The following CREB3L2 variants were observed in gnomAD, a reference collection of about 807,000 sequenced individuals.
The protein encoded by CREB3L2 is cyclic AMP-responsive element-binding protein 3-like protein 2.
In CREB3L2, 23 loss-of-function variants were observed where a neutral mutation model predicts 57.2. That is an observed-to-expected ratio of 0.40 (90% CI 0.29 to 0.57). The LOEUF (loss-of-function observed/expected upper bound fraction) is 0.57. Ranked by LOEUF, CREB3L2 falls within the 20% of genes least tolerant of loss-of-function variation. The probability of loss-of-function intolerance (pLI) is 0.42; values close to 1 mark genes in which losing one functional copy is unlikely to be tolerated. For missense variants in CREB3L2, 628 were observed against 634.7 expected, an observed-to-expected ratio of 0.99 and a Z score of 0.11; for synonymous variants, 268 against 265.1, an observed-to-expected ratio of 1.01 and a Z score of -0.11.
chr7:137,961,217 T>G (rs1240171754), intron 1 of CREB3L2, among the ~76,000 whole-genome samples: 1 of 149,000 alleles, frequency 6.7e-6, no homozygotes, highest in Non-Finnish European at 1.5e-5. Context: ...GTGGGGGACA[T>G]GAGAACATTA....
intron 1 of CREB3L2, among the ~76,000 whole-genome samples, chr7:137,972,684 C>CAAAAAAAAA (rs58627909): frequency 9.3e-4 from 9 of 9,644 alleles, no homozygotes; most frequent in Non-Finnish European, 1.1e-3. Flanking sequence ...CCCGTCTCTA[C>CAAAAAAAAA]AAAAAAAAAA....
At chr7:137,971,542 G>C (rs1231222556) in intron 1 of CREB3L2, among the ~76,000 whole-genome samples, 1 of 152,014 alleles carries the variant, frequency 6.6e-6, no homozygotes, top group Non-Finnish European at 1.5e-5. Flanking sequence ...TCTTTTTGCG[G>C]CTAGGCTGTG....
intron 1 of CREB3L2, among the ~76,000 whole-genome samples, chr7:137,966,079 C>G (rs1372730474): frequency 6.6e-6 from 1 of 152,120 alleles, no homozygotes; most frequent in Non-Finnish European, 1.5e-5. Flanking sequence ...CTGATGTTCA[C>G]TGATGGCATC....
intron 2 of CREB3L2, among the ~76,000 whole-genome samples, chr7:137,925,903 A>G (rs964233560): frequency 5.3e-5 from 8 of 152,218 alleles, no homozygotes; most frequent in African/African-American, 1.9e-4. Context: ...CCTTTGTAAA[A>G]TATATCTGAC....
chr7:137,913,555 C>A (rs1035509872), intron 3 of CREB3L2, among the ~76,000 whole-genome samples: 2 of 150,470 alleles, frequency 1.3e-5, no homozygotes, highest in Non-Finnish European at 3.0e-5. Context: ...GAAAAACACT[C>A]AGAACTCTAA....
chr7:137,882,971 T>C (rs1217555399), intron 10 of CREB3L2, among the ~76,000 whole-genome samples: 1 of 152,158 alleles, frequency 6.6e-6, no homozygotes, highest in Non-Finnish European at 1.5e-5. Flanking sequence ...GTGGAATACT[T>C]GGAGATGTCC....
Position 137,875,597 on chromosome 7 carries a change from C to G in CREB3L2, c.*4879G>C. On this transcript the variant is annotated 3_prime_UTR_variant, in exon 12 of 12. Transcript: ENST00000330387. ...ACGAAGGGAAGCGATGAGCATCACA[C>G]AGCAGGGCCATTGCAGGGGACAGGT... 1 of 224,794 alleles carries G rather than the reference C, an allele frequency of 4.4e-6. No homozygotes were observed. The highest frequency in any genetic ancestry group is 8.9e-6 in the Non-Finnish European group (1 of 112,658). 13.9% of individuals were successfully genotyped at this position (224,794 alleles called of 1,614,324 possible).
intron 1 of CREB3L2, among the ~76,000 whole-genome samples, chr7:137,959,570 T>C (rs976221955): frequency 2.6e-5 from 4 of 152,226 alleles, no homozygotes; most frequent in Non-Finnish European, 5.9e-5. Flanking sequence ...AGCCACTAAG[T>C]TGTATGGTGA....
intron 4 of CREB3L2, among the ~76,000 whole-genome samples, chr7:137,911,293 T>C (rs570649367): frequency 6.6e-6 from 1 of 152,374 alleles, no homozygotes; most frequent in East Asian, 1.9e-4. Flanking sequence ...TATTAACTTT[T>C]AAAATTTAAT....
At chr7:137,922,758 T>C (rs1214310167) in intron 2 of CREB3L2, 2 of 360,928 alleles carry the variant, frequency 5.5e-6, no homozygotes, top group Admixed American at 2.8e-5. Context: ...TTACTATTTA[T>C]GTAACATATC....
chr7:137,884,596 C>T (rs1166539951), intron 10 of CREB3L2: 2 of 457,086 alleles, frequency 4.4e-6, no homozygotes, highest in East Asian at 7.8e-5. Flanking sequence ...TTACTATATA[C>T]ATTGCATTAC....
At chr7:137,923,449 C>T (rs1190167459) in intron 2 of CREB3L2, among the ~76,000 whole-genome samples, 1 of 152,206 alleles carries the variant, frequency 6.6e-6, no homozygotes, top group East Asian at 1.9e-4. Flanking sequence ...CAGGTTCTCT[C>T]TTTGGCCGTG....
chr7:137,902,729 A>G (rs781392808), intron 7 of CREB3L2, among the ~76,000 whole-genome samples: 2 of 152,212 alleles, frequency 1.3e-5, no homozygotes, highest in Admixed American at 6.5e-5. Context: ...ACCAAACACA[A>G]TGTAAATACT....
intron 2 of CREB3L2, among the ~76,000 whole-genome samples, chr7:137,919,814 AT>A (rs1346535401): frequency 1.3e-5 from 2 of 152,248 alleles, no homozygotes; most frequent in African/African-American, 4.8e-5. Context: ...CTAGATAAAA[AT>A]CTATAACTAT....
At chr7:137,939,303 T>C (rs939760196) in intron 1 of CREB3L2, among the ~76,000 whole-genome samples, 1 of 151,904 alleles carries the variant, frequency 6.6e-6, no homozygotes, top group African/African-American at 2.4e-5. Flanking sequence ...CAGCCTGGAG[T>C]AGGGCAGGAC....
intron 1 of CREB3L2, among the ~76,000 whole-genome samples, chr7:137,934,340 A>G (rs1800732779): frequency 6.6e-6 from 1 of 152,194 alleles, no homozygotes; most frequent in Non-Finnish European, 1.5e-5. Context: ...GTGTAAAACC[A>G]TGATGGTGAT....
intron 8 of CREB3L2, among the ~76,000 whole-genome samples, chr7:137,894,045 C>A: frequency 6.6e-6 from 1 of 152,202 alleles, no homozygotes; most frequent in East Asian, 1.9e-4. Flanking sequence ...TCTCTTGGGT[C>A]TTCTTGTGTT....
chr7:137,882,012 A>G (rs568562362), intron 11 of CREB3L2, among the ~76,000 whole-genome samples: 33 of 152,362 alleles, frequency 2.2e-4, no homozygotes, highest in African/African-American at 7.5e-4. Context: ...CACAATATAT[A>G]TCTACTCCCT....
intron 1 of CREB3L2, among the ~76,000 whole-genome samples, chr7:137,951,024 C>T (rs530601915): frequency 1.7e-4 from 26 of 152,270 alleles, no homozygotes; most frequent in African/African-American, 5.3e-4. Flanking sequence ...TTTGAGAATC[C>T]GCATAGAGTG....
Sources: allele counts gnomAD v4.1 joint callset (sites outside exome capture counted in the v4.1 genomes callset), GRCh38; gene constraint gnomAD v4.1.1; transcripts MANE v1.5; gene names NCBI Gene and HGNC (gene_info 2026-07-23, HGNC 2026-07-21).